The following CSGALNACT1 variants were observed in gnomAD, a reference collection of about 807,000 sequenced individuals.
The protein encoded by CSGALNACT1 is beta4GalNAcT-1.
A neutral mutation model predicts 51.0 loss-of-function variants in CSGALNACT1; 52 were observed. The ratio of observed to expected loss-of-function variants is 1.02; its 90% CI spans 0.82 to 1.29. The LOEUF is 1.29. Ranked by LOEUF, CSGALNACT1 falls within the 50% of genes most tolerant of loss-of-function variation. The probability of loss-of-function intolerance (pLI) is 0.00; values close to 1 mark genes in which losing one functional copy is unlikely to be tolerated. For synonymous variants in CSGALNACT1, 341 were observed against 254.4 expected (o/e 1.34, Z -3.24); for missense variants, 935 against 679.2 (o/e 1.38, Z -4.19).
intron 1 of CSGALNACT1, chr8:19,688,753 T>A (rs545061405): frequency 2.9e-4 from 44 of 152,428 alleles, no homozygotes; most frequent in African/African-American, 9.9e-4. Flanking sequence ...CGTCTACACC[T>A]GCTGCTTCCA....
intron 3 of CSGALNACT1, among the ~76,000 whole-genome samples, chr8:19,515,359 C>G (rs1431282875): frequency 6.6e-6 from 1 of 152,178 alleles, no homozygotes. Context: ...TGAGGTCCCC[C>G]TATCTGCAGA....
chr8:19,671,122 G>A (rs922541142), intron 1 of CSGALNACT1, among the ~76,000 whole-genome samples: 2 of 152,202 alleles, frequency 1.3e-5, no homozygotes, highest in Non-Finnish European at 2.9e-5. Context: ...GAAGAGTTAA[G>A]TCAACTGACT....
At chr8:19,661,596 T>C (rs958013334) in intron 1 of CSGALNACT1, among the ~76,000 whole-genome samples, 1 of 152,196 alleles carries the variant, frequency 6.6e-6, no homozygotes. Flanking sequence ...AAGTGACTTG[T>C]GGCCCGGATT....
intron 3 of CSGALNACT1, among the ~76,000 whole-genome samples, chr8:19,585,901 A>T (rs1415082579): frequency 6.6e-6 from 1 of 152,168 alleles, no homozygotes; most frequent in African/African-American, 2.4e-5. Flanking sequence ...TTTACATCTC[A>T]AATTAACCTG....
At chr8:19,499,826 T>C (rs1046118339) in intron 4 of CSGALNACT1, among the ~76,000 whole-genome samples, 2 of 152,176 alleles carry the variant, frequency 1.3e-5, no homozygotes, top group African/African-American at 4.8e-5. Flanking sequence ...CTGAGACACA[T>C]GAACATTAAT....
intron 3 of CSGALNACT1, among the ~76,000 whole-genome samples, chr8:19,541,581 G>GTTTTT (rs2085167655): frequency 3.3e-5 from 1 of 29,964 alleles, no homozygotes; most frequent in African/African-American, 3.2e-4. Flanking sequence ...TTTTTTTTTA[G>GTTTTT]TAGAGACAGG....
chr8:19,663,767 A>G (rs1043190184), intron 1 of CSGALNACT1, among the ~76,000 whole-genome samples: 1 of 152,270 alleles, frequency 6.6e-6, no homozygotes, highest in Admixed American at 6.5e-5. Context: ...AACAGTTTCA[A>G]TTCATCAAGA....
chr8:19,608,190 T>G (rs1456792353), intron 1 of CSGALNACT1, among the ~76,000 whole-genome samples: 1 of 152,190 alleles, frequency 6.6e-6, no homozygotes, highest in East Asian at 1.9e-4. Flanking sequence ...CCCCCAAAGA[T>G]GATACAATGA....
intron 6 of CSGALNACT1, among the ~76,000 whole-genome samples, chr8:19,423,329 TGAG>T (rs1254728050): frequency 2.0e-5 from 3 of 152,226 alleles, no homozygotes; most frequent in Non-Finnish European, 4.4e-5. Context: ...TGTTAGAAAC[TGAG>T]GAAACAGCAT....
chr8:19,568,475 C>A (rs1281477797), intron 3 of CSGALNACT1, among the ~76,000 whole-genome samples: 1 of 152,008 alleles, frequency 6.6e-6, no homozygotes, highest in Non-Finnish European at 1.5e-5. Context: ...CAGATGGGTG[C>A]AATATAGGCT....
chr8:19,609,282 T>A (rs1399482296), intron 1 of CSGALNACT1, among the ~76,000 whole-genome samples: 1 of 150,014 alleles, frequency 6.7e-6, no homozygotes, highest in Non-Finnish European at 1.5e-5. Context: ...TTAAAAAGAT[T>A]TATGCATACA....
intron 4 of CSGALNACT1, among the ~76,000 whole-genome samples, chr8:19,464,136 C>G (rs145942165): frequency 4.1e-4 from 62 of 152,284 alleles, no homozygotes; most frequent in Middle Eastern, 3.4e-3. Context: ...ACACATTACA[C>G]TCATTCTCAA....
chr8:19,653,495 TCA>T (rs1169181266), intron 1 of CSGALNACT1, among the ~76,000 whole-genome samples: 5 of 152,152 alleles, frequency 3.3e-5, no homozygotes, highest in African/African-American at 1.2e-4. Context: ...GAGAACCAAA[TCA>T]CAATCTTCAG....
intron 1 of CSGALNACT1, among the ~76,000 whole-genome samples, chr8:19,713,450 G>A (rs999758450): frequency 9.9e-5 from 15 of 152,212 alleles, no homozygotes; most frequent in African/African-American, 3.6e-4. Flanking sequence ...AAAAAGATAG[G>A]TGGAAGTCCT....
intron 1 of CSGALNACT1, among the ~76,000 whole-genome samples, chr8:19,623,470 C>T (rs1292825410): frequency 6.6e-6 from 1 of 152,190 alleles, no homozygotes; most frequent in Non-Finnish European, 1.5e-5. Context: ...TATCCTGTCA[C>T]ATTTTTTAAG....
At chr8:19,754,623 A>G (rs2065242786) in intron 1 of CSGALNACT1, among the ~76,000 whole-genome samples, 1 of 152,370 alleles carries the variant, frequency 6.6e-6, no homozygotes, top group East Asian at 1.9e-4. Flanking sequence ...TATTAAAAAC[A>G]GTACCAAATC....
intron 1 of CSGALNACT1, among the ~76,000 whole-genome samples, chr8:19,711,452 G>A (rs745539463): frequency 1.3e-5 from 2 of 152,198 alleles, no homozygotes; most frequent in Admixed American, 6.5e-5. Flanking sequence ...TGTGTGCCAA[G>A]TAGCAGGAAT....
chr8:19,423,645 G>T (rs2058307821), intron 6 of CSGALNACT1, among the ~76,000 whole-genome samples: 1 of 152,086 alleles, frequency 6.6e-6, no homozygotes, highest in South Asian at 2.1e-4. Flanking sequence ...TAATTTGGAA[G>T]AACTTTTTTT....
At chr8:19,559,892 T>C (rs1005943312) in intron 3 of CSGALNACT1, among the ~76,000 whole-genome samples, 10 of 152,226 alleles carry the variant, frequency 6.6e-5, no homozygotes, top group Non-Finnish European at 4.4e-5. Context: ...GGAACTTGAC[T>C]AAGTTGATTG....
Sources: gnomAD v4.1 joint callset for allele counts (sites outside exome capture counted in the v4.1 genomes callset) on GRCh38, gnomAD v4.1.1 for gene constraint, MANE v1.5 for transcripts, NCBI Gene and HGNC (gene_info 2026-07-23, HGNC 2026-07-21) for gene names.